LRRTM4: variants seen among roughly 807,000 people sequenced by gnomAD.
The protein encoded by LRRTM4 is leucine rich repeat transmembrane neuronal 4.
LRRTM4 carries 25 observed loss-of-function variants against 47.6 expected under a neutral mutation model. That is an observed-to-expected ratio of 0.53 (90% CI 0.38 to 0.73). The LOEUF (loss-of-function observed/expected upper bound fraction) is 0.73, where lower values mean the gene tolerates loss of function less well. Among genes scored for constraint, LRRTM4 ranks in the 30% least tolerant of loss-of-function variants. LRRTM4 has a pLI of 0.00. For synonymous variants in LRRTM4, 311 were observed against 269.5 expected (o/e 1.15, Z -1.51); for missense variants, 638 against 713.4 (o/e 0.89, Z 1.20).
At chr2:77,270,179 T>C (rs1486140668) in intron 3 of LRRTM4, among the ~76,000 whole-genome samples, 1 of 152,218 alleles carries the variant, frequency 6.6e-6, no homozygotes, top group African/African-American at 2.4e-5. Flanking sequence ...AGTTATGTAT[T>C]TGGGTCACTG....
intron 3 of LRRTM4, among the ~76,000 whole-genome samples, chr2:77,148,434 T>C (rs1401576096): frequency 6.6e-6 from 1 of 152,104 alleles, no homozygotes; most frequent in Non-Finnish European, 1.5e-5. Flanking sequence ...ATTCTTTTTT[T>C]CCCCCAATAA....
At chr2:76,864,550 G>A (rs987780447) in intron 3 of LRRTM4, among the ~76,000 whole-genome samples, 6 of 151,906 alleles carry the variant, frequency 3.9e-5, no homozygotes, top group East Asian at 2.0e-4. Context: ...CCAGCTACTC[G>A]GGAGGCTGAG....
chr2:77,432,964 C>T (rs1675445016), intron 3 of LRRTM4, among the ~76,000 whole-genome samples: 1 of 152,042 alleles, frequency 6.6e-6, no homozygotes, highest in Non-Finnish European at 1.5e-5. Context: ...TGTTTGATTC[C>T]CTGGAGATGT....
At chr2:76,970,767 G>A (rs76689311) in intron 3 of LRRTM4, among the ~76,000 whole-genome samples, 4,544 of 152,106 alleles carry the variant, frequency 0.03, 87 homozygotes, top group Middle Eastern at 0.095. Context: ...ATGCTGATTG[G>A]ATTGGAAGGT....
intron 3 of LRRTM4, among the ~76,000 whole-genome samples, chr2:77,443,098 A>G (rs1573421258): frequency 6.6e-6 from 1 of 152,268 alleles, no homozygotes; most frequent in East Asian, 1.9e-4. Flanking sequence ...AAAGGGTCTC[A>G]AAGAAAAGCA....
chr2:76,867,251 G>A (rs1672494551), intron 3 of LRRTM4, among the ~76,000 whole-genome samples: 1 of 152,032 alleles, frequency 6.6e-6, no homozygotes, highest in South Asian at 2.1e-4. Context: ...AGATAATAAA[G>A]TAAATTAAAT....
At chr2:77,436,578 A>G (rs1675608059) in intron 3 of LRRTM4, among the ~76,000 whole-genome samples, 1 of 151,990 alleles carries the variant, frequency 6.6e-6, no homozygotes, top group African/African-American at 2.4e-5. Flanking sequence ...ATCCATTACC[A>G]TCAGAAATAA....
intron 3 of LRRTM4, among the ~76,000 whole-genome samples, chr2:76,817,565 A>C (rs943994086): frequency 1.3e-5 from 2 of 151,998 alleles, no homozygotes; most frequent in African/African-American, 4.8e-5. Context: ...ATTCAAGGTC[A>C]CACAGCTAGT....
intron 3 of LRRTM4, among the ~76,000 whole-genome samples, chr2:76,937,220 CA>C (rs1024160684): frequency 6.6e-6 from 1 of 151,980 alleles, no homozygotes; most frequent in Non-Finnish European, 1.5e-5. Context: ...AATTTAACCC[CA>C]AAAGCTTTAG....
intron 3 of LRRTM4, among the ~76,000 whole-genome samples, chr2:77,184,291 A>G (rs973236373): frequency 2.0e-5 from 3 of 152,132 alleles, no homozygotes; most frequent in African/African-American, 4.8e-5. Flanking sequence ...CTAAAATTAT[A>G]TTAAATATTA....
intron 3 of LRRTM4, among the ~76,000 whole-genome samples, chr2:77,108,929 T>G (rs1477051466): frequency 1.3e-5 from 2 of 152,172 alleles, no homozygotes; most frequent in Non-Finnish European, 2.9e-5. Flanking sequence ...AGAAAAGACC[T>G]AAAGTAAAAT....
intron 3 of LRRTM4, among the ~76,000 whole-genome samples, chr2:77,390,595 G>A (rs1413854780): frequency 6.6e-6 from 1 of 151,586 alleles, no homozygotes; most frequent in Non-Finnish European, 1.5e-5. Flanking sequence ...AATGTTCTTT[G>A]TATTCTAGAA....
chr2:77,250,851 C>T (rs906060981), intron 3 of LRRTM4, among the ~76,000 whole-genome samples: 1 of 152,050 alleles, frequency 6.6e-6, no homozygotes, highest in African/African-American at 2.4e-5. Context: ...CGCCTGTAAT[C>T]CCACCACTTT....
At chr2:76,963,055 T>C (rs560161960) in intron 3 of LRRTM4, among the ~76,000 whole-genome samples, 12 of 150,908 alleles carry the variant, frequency 8.0e-5, no homozygotes, top group Non-Finnish European at 1.6e-4. Flanking sequence ...TTATGCATAA[T>C]AAATTTAGCT....
At chr2:77,176,989 A>T (rs1673215342) in intron 3 of LRRTM4, among the ~76,000 whole-genome samples, 2 of 152,170 alleles carry the variant, frequency 1.3e-5, no homozygotes, top group South Asian at 2.1e-4. Context: ...ATTATCACAT[A>T]TGGTCTGAAA....
At chr2:77,061,728 T>C (rs1679792170) in intron 3 of LRRTM4, among the ~76,000 whole-genome samples, 1 of 152,204 alleles carries the variant, frequency 6.6e-6, no homozygotes. Context: ...ACCTACCACA[T>C]AATGCCCATC....
intron 3 of LRRTM4, among the ~76,000 whole-genome samples, chr2:76,810,524 G>A (rs892425666): frequency 1.3e-5 from 2 of 152,030 alleles, no homozygotes; most frequent in African/African-American, 4.8e-5. Context: ...ATTGTTTTGA[G>A]ATCATTTATG....
At chr2:77,355,643 C>T (rs541597979) in intron 3 of LRRTM4, among the ~76,000 whole-genome samples, 2 of 152,270 alleles carry the variant, frequency 1.3e-5, no homozygotes, top group African/African-American at 4.8e-5. Flanking sequence ...AGAAAAATCA[C>T]ACCCTTGTGA....
rs1407597386 is a variant in LRRTM4, at chr2:77,308,966, C to A, written c.1551+209352G>T. On this transcript the variant is annotated intron_variant, in intron 3 of 3. Transcript: ENST00000409884. ...CATAAACTCAGTATCACAAAAGAAT[C>A]TCATTTTCAAACCCAGAATTTCCTG... is the stretch of plus-strand genomic sequence containing the variant. Among the ~76,000 whole-genome samples the A allele has an allele frequency of 2.6e-5, 4 of 152,170 alleles. No individual in the cohort carries two copies. The East Asian group carries it at 7.7e-4, about 29-fold the overall frequency.
Sources: allele counts gnomAD v4.1 joint callset (sites outside exome capture counted in the v4.1 genomes callset), GRCh38; gene constraint gnomAD v4.1.1; transcripts MANE v1.5; gene names NCBI Gene and HGNC (gene_info 2026-07-23, HGNC 2026-07-21).